Variants in CTR9 observed in about 807,000 individuals in gnomAD.
CTR9 encodes CTR9 component of Paf1/RNA polymerase II complex, also known as RNA polymerase-associated protein CTR9 homolog.
In CTR9, 41 loss-of-function variants were observed where a neutral mutation model predicts 152.1. That is an observed-to-expected ratio of 0.27 (90% confidence interval 0.21 to 0.35). CTR9 has a LOEUF of 0.35. Ranked by LOEUF, CTR9 falls within the 10% of genes least tolerant of loss-of-function variation. The probability of loss-of-function intolerance (pLI) is 1.00; values close to 1 mark genes in which losing one functional copy is unlikely to be tolerated. For missense variants in CTR9, 917 were observed against 1,424.4 expected (o/e 0.64, Z 5.73); for synonymous variants, 476 against 496.2 (o/e 0.96, Z 0.54).
In CTR9 at chr11:10,761,961, A is replaced by C; in HGVS notation, c.756A>C (p.Lys252Asn). The C allele has an allele frequency of 6.2e-7, 1 of 1,606,988 alleles. No individual in the cohort carries two copies. Among genetic ancestry groups the C allele is most frequent in the Non-Finnish European group, 8.5e-7 (1 of 1,176,820 alleles). Residue 252 changes from lysine to asparagine, a missense_variant, in exon 7 of 25, where the codon AAA (lysine) becomes AAC (asparagine). Lys to Asn is a moderately conservative substitution (Grantham distance 94, BLOSUM62 0). This residue lies in a region of CTR9 where 110 missense variants were observed against 149.5 expected (regional missense o/e 0.74). Coordinates refer to ENST00000361367, the MANE Select transcript of CTR9 (RefSeq NM_014633.5). ...TTTTCTTTTAGGCTGATTCCATTAA[A>C]AATGGTGTCCAGCTTCTTTCCAGAG... The part of the protein sequence containing the change: ...ELNNKEADSI[K>N]NGVQLLSRAY...
chr11:10,758,495 G>A (rs181359872), intron 5 of CTR9, among the ~76,000 whole-genome samples: 218 of 152,322 alleles, frequency 1.4e-3, no homozygotes, highest in Non-Finnish European at 2.8e-3. Context: ...TAACTCCCTT[G>A]CACAAGCAAT....
intron 24 of CTR9, among the ~76,000 whole-genome samples, chr11:10,777,667 C>G (rs1316259705): frequency 1.3e-5 from 2 of 152,224 alleles, no homozygotes; most frequent in African/African-American, 2.4e-5. Context: ...GTTTGAGCCA[C>G]TTGCATCAGT....
At position 10,770,338 on chromosome 11, in the gene CTR9, A is replaced by G. The variant is rs745848502; in HGVS notation, c.2226+12A>G. 3 of 1,607,278 alleles carry G rather than the reference A, an allele frequency of 1.9e-6. No homozygotes were observed. The highest frequency in any genetic ancestry group is 2.6e-6 in the Non-Finnish European group (3 of 1,175,066). ...AGACTTTGCTGAAGGTAAAAAGGAGAGATGTTATTCCCATCCATTTCTGTG... is the reference window on the plus strand; with the variant it reads ...AGACTTTGCTGAAGGTAAAAAGGAGGGATGTTATTCCCATCCATTTCTGTG... On this transcript the variant is annotated intron_variant, in intron 17 of 24. Coordinates refer to ENST00000361367, the MANE Select transcript of CTR9 (RefSeq NM_014633.5).
intron 7 of CTR9, 70 bp from the exon 8 acceptor site, chr11:10,763,361 G>T (rs1466979257): frequency 9.8e-7 from 1 of 1,015,698 alleles, no homozygotes. Flanking sequence ...CGAAGTGTTA[G>T]TCTAAGATAA....
intron 10 of CTR9, 34 bp from the exon 11 acceptor site, chr11:10,764,274 C>T: frequency 2.5e-6 from 4 of 1,613,806 alleles, no homozygotes; most frequent in South Asian, 1.1e-5. Flanking sequence ...CTCTCTTCCA[C>T]TTACACCTTT....
chr11:10,761,459 T>C (rs1051803321), intron 6 of CTR9, among the ~76,000 whole-genome samples: 3 of 151,642 alleles, frequency 2.0e-5, no homozygotes, highest in East Asian at 3.9e-4. Flanking sequence ...CCAAAGGTGG[T>C]AGAGGCCAGG....
chr11:10,762,040 T>C lies in CTR9; in HGVS notation c.835T>C (p.Phe279Leu). ...GGTATTGAACCATTTGGCAAATCAC[T>C]TTTTCTTCAAAAAGGTAGAAGTCAT... ...PMVLNHLANH[F>L]FFKKDYSKVQ... is the part of the protein sequence containing the mutation. Residue 279 changes from phenylalanine to leucine, a missense_variant, in exon 7 of 25, where the codon TTT becomes CTT. Physicochemically the swap from Phe to Leu is conservative, Grantham distance 22. Coordinates refer to ENST00000361367, the MANE Select transcript of CTR9 (RefSeq NM_014633.5). 6.3e-7 allele frequency: 1 copy of C among 1,592,756 alleles called. No individual in the cohort carries two copies. Among genetic ancestry groups the C allele is most frequent in the Admixed American group, 1.7e-5 (1 of 57,276 alleles).
intron 6 of CTR9, among the ~76,000 whole-genome samples, chr11:10,760,825 G>A (rs542658305): frequency 3.0e-4 from 45 of 152,146 alleles, no homozygotes; most frequent in African/African-American, 8.9e-4. Context: ...ATATAATTCC[G>A]TCCTCCCTTC....
At chr11:10,754,601 C>T (rs1248259004) in intron 2 of CTR9, among the ~76,000 whole-genome samples, 1 of 152,144 alleles carries the variant, frequency 6.6e-6, no homozygotes, top group East Asian at 1.9e-4. Context: ...AATCCCTGTG[C>T]CAGACAACCA....
chr11:10,762,061 G>A lies in CTR9; in HGVS notation c.849+7G>A, dbSNP rs893112874. The A allele has an allele frequency of 6.6e-7, 1 of 1,513,820 alleles. No homozygotes were observed. Among genetic ancestry groups the A allele is most frequent in the South Asian group, 1.2e-5 (1 of 82,478 alleles). 93.8% of individuals were successfully genotyped at this position (1,513,820 alleles called of 1,614,324 possible). A position where few individuals can be genotyped will look rare whatever the true frequency, so the allele number is the denominator to read the frequency against. On this transcript the variant is annotated splice_region_variant and intron_variant, in intron 7 of 24. Transcript: ENST00000361367. Reference sequence around the variant, plus strand: ...TCACTTTTTCTTCAAAAAGGTAGAAGTCATTTATTTTTAAATTCTGATTTT... The same window carrying A: ...TCACTTTTTCTTCAAAAAGGTAGAAATCATTTATTTTTAAATTCTGATTTT...
intron 1 of CTR9, among the ~76,000 whole-genome samples, chr11:10,752,240 C>T (rs1209247990): frequency 6.6e-6 from 1 of 152,168 alleles, no homozygotes; most frequent in Non-Finnish European, 1.5e-5. Context: ...CTGTTACACG[C>T]AGGTGCCACC....
chr11:10,773,175 C>G lies in CTR9; in HGVS notation c.2629C>G (p.Gln877Glu). 1 of 1,611,560 alleles carries G rather than the reference C, an allele frequency of 6.2e-7. No individual in the cohort carries two copies. Among genetic ancestry groups the G allele is most frequent in the Non-Finnish European group, 8.5e-7 (1 of 1,179,512 alleles). Residue 877 changes from glutamine to glutamate, a missense_variant, in exon 21 of 25, where the codon CAG becomes GAG. By Grantham distance (29) the Gln-to-Glu change is conservative (BLOSUM62 2). Around this residue, in one of 9 missense-constraint regions of CTR9, gnomAD observed 384 missense variants for 398.4 expected, o/e 0.96. Coordinates refer to ENST00000361367, the MANE Select transcript of CTR9 (RefSeq NM_014633.5). Reference sequence around the variant, plus strand: ...GGAAGAGCAAAAGAAACTTTTGGAACAGCGGGCCCAGTATGTGGAGAAGAC... The same window carrying G: ...GGAAGAGCAAAAGAAACTTTTGGAAGAGCGGGCCCAGTATGTGGAGAAGAC... ...EKEEQKKLLE[Q>E]RAQYVEKTKN...
At chr11:10,770,738 G>A in intron 18 of CTR9, 106 bp downstream of exon 18, 1 of 1,050,204 alleles carries the variant, frequency 9.5e-7, no homozygotes, top group Non-Finnish European at 1.3e-6. Context: ...AAAGCTATTT[G>A]TCTCAAGCTG....
chr11:10,775,764 G>C (rs1386559583), intron 24 of CTR9, 131 bp downstream of exon 24: 4 of 569,404 alleles, frequency 7.0e-6, no homozygotes, highest in African/African-American at 1.9e-5. Context: ...GAGGGGTGGG[G>C]ACAGACTTGA....
intron 7 of CTR9, 40 bp downstream of exon 7, chr11:10,762,094 C>A: frequency 1.7e-6 from 2 of 1,173,206 alleles, no homozygotes; most frequent in South Asian, 1.4e-5. Flanking sequence ...TTTTGTTTTT[C>A]TGTACTGCAA....
At position 10,767,845 on chromosome 11, in the gene CTR9, T is replaced by C; in HGVS notation, c.1726T>C (p.Leu576=). ...DAWSLIGNLH[L]AKQEWGPGQK... is the part of the protein sequence containing the mutation. The stretch of plus-strand genomic sequence containing the variant: ...TTGGTCTTTGATTGGCAATCTTCAT[T>C]TGGCAAAACAAGAATGGGGTCCTGG... Residue 576 remains leucine, a synonymous_variant, in exon 14 of 25, where the codon TTG becomes CTG. Coordinates refer to ENST00000361367, the MANE Select transcript of CTR9 (RefSeq NM_014633.5). The surrounding 1 kb of genome is among the most constrained non-coding windows in gnomAD (Gnocchi z 4.0). 1 of 1,614,094 alleles carries C rather than the reference T, an allele frequency of 6.2e-7. No individual in the cohort carries two copies. Among genetic ancestry groups the C allele is most frequent in the South Asian group, 1.1e-5 (1 of 91,080 alleles).
rs1862796635 is a variant in CTR9 at position 10,751,326 on chromosome 11, C to T, written c.-87C>T. The T allele has an allele frequency of 1.6e-5, 23 of 1,397,620 alleles. No individual in the cohort carries two copies. The highest frequency in any genetic ancestry group is 2.8e-5 in the African/African-American group (2 of 70,852). The allele number at this position is 1,397,620 out of a possible 1,614,324, so 86.6% of individuals were successfully genotyped here. On this transcript the variant is annotated 5_prime_UTR_variant, in exon 1 of 25. Transcript: ENST00000361367. Reference sequence around the variant, plus strand: ...CGGCAGTCAAGACCAGAGCCGGAGCCGTCACTCACCTCTGGATTAGCCTGA... The same window carrying T: ...CGGCAGTCAAGACCAGAGCCGGAGCTGTCACTCACCTCTGGATTAGCCTGA...
Position 10,764,681 on chromosome 11 carries a change from C to G in CTR9, c.1547C>G (p.Ala516Gly). Residue 516 changes from alanine (A) to glycine (G), a missense_variant, in exon 12 of 25, where the codon GCA (alanine) becomes GGA (glycine). Coordinates refer to ENST00000361367, the MANE Select transcript of CTR9 (RefSeq NM_014633.5). Reference sequence around the variant, plus strand: ...GAGGCGATGTGTGAATTCCATGAAGCAGAAAAACTGTATAAAAACATCTTA... The same window carrying G: ...GAGGCGATGTGTGAATTCCATGAAGGAGAAAAACTGTATAAAAACATCTTA... ...LYEAMCEFHE[A>G]EKLYKNILRE... The G allele has an allele frequency of 6.2e-7, 1 of 1,612,084 alleles. No individual in the cohort carries two copies. The highest frequency in any genetic ancestry group is 8.5e-7 in the Non-Finnish European group (1 of 1,178,404).
Position 10,767,673 on chromosome 11 carries a change from AGAAAG to A in CTR9, c.1687-132_1687-128del. 1.3e-6 allele frequency: 1 copy of A among 794,574 alleles called. No individual in the cohort carries two copies. The highest frequency in any genetic ancestry group is 1.7e-5 in the African/African-American group (1 of 57,562). The allele number at this position is 794,574 out of a possible 1,614,324, so 49.2% of individuals were successfully genotyped here. On this transcript the variant is annotated intron_variant, in intron 13 of 24. Transcript: ENST00000361367. The surrounding 1 kb of genome is among the most constrained non-coding windows in gnomAD (Gnocchi z 4.0). ...GATTGCCATGCAAAAAAAAAAAGAA[AGAAAG>A]AAAAGAAAGAAAACCACTGTTGTAA...
Sources: allele counts gnomAD v4.1 joint callset (sites outside exome capture counted in the v4.1 genomes callset), GRCh38; gene constraint gnomAD v4.1.1; regional missense constraint gnomAD v4.1.1; non-coding constraint Gnocchi (gnomAD v3.1); transcripts MANE v1.5; gene names NCBI Gene and HGNC (gene_info 2026-07-23, HGNC 2026-07-21).